CACNA1C: variants seen among roughly 807,000 people sequenced by gnomAD.
CACNA1C encodes calcium voltage-gated channel subunit alpha1 C, also known as voltage-dependent L-type calcium channel subunit alpha-1C.
CACNA1C carries 30 observed loss-of-function variants against 229.0 expected under a neutral mutation model. The observed-to-expected ratio is 0.13, with a 90% CI of 0.10 to 0.18. The LOEUF (loss-of-function observed/expected upper bound fraction) is 0.18. Ranked by LOEUF, CACNA1C falls within the 10% of genes least tolerant of loss-of-function variation. The pLI is 1.00. For missense variants in CACNA1C, 1,658 were observed against 2,845.0 expected (o/e 0.58, Z 9.49); for synonymous variants, 1,114 against 1,132.5 (o/e 0.98, Z 0.33).
chr12:2,681,776 T>G (rs2097158895), intron 42 of CACNA1C, among the ~76,000 whole-genome samples: 1 of 152,194 alleles, frequency 6.6e-6, no homozygotes, highest in African/African-American at 2.4e-5. Flanking sequence ...CACTCGGCTC[T>G]GAGAGGATGG....
chr12:2,395,257 T>C (rs558074194), intron 3 of CACNA1C, among the ~76,000 whole-genome samples: 2 of 151,610 alleles, frequency 1.3e-5, no homozygotes, highest in African/African-American at 4.8e-5. Flanking sequence ...CTTGCTTTGT[T>C]GCCCAGGCTG....
intron 1 of CACNA1C, among the ~76,000 whole-genome samples, chr12:2,040,922 C>T (rs2049970567): frequency 6.6e-6 from 1 of 152,230 alleles, no homozygotes; most frequent in Non-Finnish European, 1.5e-5. Flanking sequence ...GCTAAAGTTA[C>T]ACAGCCAAGT....
intron 9 of CACNA1C, among the ~76,000 whole-genome samples, chr12:2,529,775 TTTC>T (rs1599014664): frequency 6.6e-6 from 1 of 152,264 alleles, no homozygotes; most frequent in South Asian, 2.1e-4. Flanking sequence ...TCTCCTCCTC[TTTC>T]TTCTTCAAAC....
intron 5 of CACNA1C, among the ~76,000 whole-genome samples, chr12:2,469,570 A>C (rs1482906819): frequency 1.5e-4 from 23 of 152,168 alleles, no homozygotes. Flanking sequence ...TGTTGCTTCC[A>C]GTTCTAAGCT....
chr12:2,680,464 C>G (rs748772923), intron 42 of CACNA1C: 5 of 1,564,182 alleles, frequency 3.2e-6, no homozygotes, highest in Non-Finnish European at 4.3e-6. Flanking sequence ...GGTTCCCTGG[C>G]GGGGCTGAGA....
At chr12:2,383,944 C>G (rs968591791) in intron 3 of CACNA1C, among the ~76,000 whole-genome samples, 1 of 152,206 alleles carries the variant, frequency 6.6e-6, no homozygotes, top group African/African-American at 2.4e-5. Flanking sequence ...TCCCTTTCTG[C>G]CAAAGGTGCT....
chr12:2,072,184 T>C (rs2061584767), intron 1 of CACNA1C, among the ~76,000 whole-genome samples: 2 of 149,420 alleles, frequency 1.3e-5, no homozygotes, highest in Admixed American at 6.7e-5. Context: ...TATATACAAA[T>C]ATATATATAT....
intron 1 of CACNA1C, among the ~76,000 whole-genome samples, chr12:1,973,253 A>G (rs564626174): frequency 2.7e-4 from 41 of 152,242 alleles, no homozygotes; most frequent in Middle Eastern, 3.4e-3. Flanking sequence ...CAGCGATCCC[A>G]TGACCTGAGA....
chr12:2,333,057 T>A (rs1017562665), intron 3 of CACNA1C, among the ~76,000 whole-genome samples: 4 of 152,254 alleles, frequency 2.6e-5, no homozygotes, highest in Admixed American at 2.6e-4. Context: ...CATGTTCCAG[T>A]CCCAGTTCTT....
chr12:2,388,491 C>T (rs1208897875), intron 3 of CACNA1C, among the ~76,000 whole-genome samples: 2 of 152,340 alleles, frequency 1.3e-5, no homozygotes, highest in East Asian at 3.9e-4. Flanking sequence ...AATCATGGAA[C>T]ATCATGACTG....
chr12:2,324,492 G>A (rs1475374255), intron 3 of CACNA1C, among the ~76,000 whole-genome samples: 1 of 152,218 alleles, frequency 6.6e-6, no homozygotes, highest in Non-Finnish European at 1.5e-5. Context: ...ACATGCCTGA[G>A]GAACACACAG....
chr12:2,422,963 A>C (rs1327056906), intron 3 of CACNA1C, among the ~76,000 whole-genome samples: 1 of 152,140 alleles, frequency 6.6e-6, no homozygotes, highest in Non-Finnish European at 1.5e-5. Context: ...CCCTTCTCTG[A>C]TGTTGGACCA....
At chr12:2,449,240 G>C in intron 4 of CACNA1C, 125 bp downstream of exon 4, 1 of 640,000 alleles carries the variant, frequency 1.6e-6, no homozygotes, top group East Asian at 3.1e-5. Context: ...ATGATCTAGA[G>C]TGAGAAAAAT....
At chr12:2,174,933 T>G (rs1257907104) in intron 3 of CACNA1C, among the ~76,000 whole-genome samples, 9 of 152,126 alleles carry the variant, frequency 5.9e-5, no homozygotes, top group Non-Finnish European at 1.2e-4. Context: ...TGTCTTCACA[T>G]TGAGCAGACT....
intron 3 of CACNA1C, among the ~76,000 whole-genome samples, chr12:2,314,483 C>T (rs375499102): frequency 1.3e-5 from 2 of 152,358 alleles, no homozygotes; most frequent in Middle Eastern, 3.4e-3. Flanking sequence ...TTACTCACAC[C>T]TCTCGTGCCC....
At chr12:2,453,952 C>T (rs2099400387) in intron 4 of CACNA1C, among the ~76,000 whole-genome samples, 1 of 152,204 alleles carries the variant, frequency 6.6e-6, no homozygotes, top group African/African-American at 2.4e-5. Flanking sequence ...GCTTTCTCTG[C>T]TGTCTCTCAG....
chr12:2,057,581 G>A (rs940826560), intron 1 of CACNA1C, among the ~76,000 whole-genome samples: 10 of 152,128 alleles, frequency 6.6e-5, no homozygotes, highest in African/African-American at 9.7e-5. Flanking sequence ...GGAGGCCCTC[G>A]CGGCATCACT....
In CACNA1C at chr12:2,053,348, C is replaced by T. The variant is rs924543034; in HGVS notation, c.-215C>T. 1.3e-4 allele frequency: 168 copies of T among 1,327,432 alleles called. No individual in the cohort carries two copies. Among genetic ancestry groups the T allele is most frequent in the Non-Finnish European group, 1.6e-4 (164 of 1,037,522 alleles). 82.2% of individuals were successfully genotyped at this position (1,327,432 alleles called of 1,614,324 possible). A position where few individuals can be genotyped will look rare whatever the true frequency, so the allele number is the denominator to read the frequency against. ...TGCGTTACAGTTTCACTCGAGGAGG[C>T]AGTAGTGGAAAGGAGCAGTTTTTGG... On this transcript the variant is annotated 5_prime_UTR_variant, in exon 1 of 47. Transcript: ENST00000399655. The surrounding 1 kb of genome is among the most constrained non-coding windows in gnomAD (Gnocchi z 5.8).
intron 1 of CACNA1C, among the ~76,000 whole-genome samples, chr12:2,061,130 C>CTTTT (rs34246535): frequency 6.8e-6 from 1 of 146,852 alleles, no homozygotes; most frequent in Non-Finnish European, 1.5e-5. Context: ...AATCAAATCC[C>CTTTT]TTTTTTTTTT....
Sources: gnomAD v4.1 joint callset for allele counts (sites outside exome capture counted in the v4.1 genomes callset) on GRCh38, gnomAD v4.1.1 for gene constraint, Gnocchi (gnomAD v3.1) non-coding constraint, MANE v1.5 for transcripts, NCBI Gene and HGNC (gene_info 2026-07-23, HGNC 2026-07-21) for gene names.